The following MEIS1 variants were observed in gnomAD, a reference collection of about 807,000 sequenced individuals.
The protein encoded by MEIS1 is Meis homeobox 1.
In MEIS1, 5 loss-of-function variants were observed where a neutral mutation model predicts 50.8. The observed-to-expected ratio is 0.10, with a 90% CI of 0.05 to 0.21. The LOEUF is 0.21. MEIS1 is among the 10% of genes least tolerant of loss of function. The pLI, the probability that MEIS1 is intolerant of heterozygous loss-of-function variation, is 1.00. For synonymous variants in MEIS1, 176 were observed against 179.3 expected (o/e 0.98, Z 0.15); for missense variants, 318 against 517.3 (o/e 0.61, Z 3.74).
intron 8 of MEIS1, among the ~76,000 whole-genome samples, chr2:66,533,956 G>T (rs1251038809): frequency 6.6e-6 from 1 of 152,152 alleles, no homozygotes; most frequent in East Asian, 1.9e-4. Flanking sequence ...TGCAAATTGA[G>T]AACTGTATGC....
chr2:66,498,144 G>A (rs898176878), intron 7 of MEIS1, among the ~76,000 whole-genome samples: 1 of 152,128 alleles, frequency 6.6e-6, no homozygotes, highest in Non-Finnish European at 1.5e-5. Context: ...TTGAGTGGGG[G>A]ATTCAGATTA....
intron 7 of MEIS1, among the ~76,000 whole-genome samples, chr2:66,464,887 A>G (rs532792508): frequency 6.6e-4 from 100 of 152,356 alleles, no homozygotes; most frequent in Non-Finnish European, 1.2e-3. Flanking sequence ...ACATCAAGCT[A>G]GTCTTCAGCA....
intron 7 of MEIS1, among the ~76,000 whole-genome samples, chr2:66,477,525 G>A: frequency 6.6e-6 from 1 of 152,166 alleles, no homozygotes; most frequent in East Asian, 1.9e-4. Flanking sequence ...TCCTGAGGAT[G>A]GCTTGCAGAA....
At chr2:66,436,864 T>C (rs1001904703) in intron 1 of MEIS1, 1 of 942,314 alleles carries the variant, frequency 1.1e-6, no homozygotes, top group Non-Finnish European at 1.2e-6. Flanking sequence ...ACAATCAATA[T>C]GAAAGTAGTT....
intron 7 of MEIS1, among the ~76,000 whole-genome samples, chr2:66,479,813 A>G (rs755635484): frequency 1.2e-4 from 19 of 152,226 alleles, no homozygotes; most frequent in Admixed American, 2.6e-4. Flanking sequence ...GCCCCGGGCC[A>G]TGAAGGATTC....
chr2:66,465,621 C>T (rs190763462), intron 7 of MEIS1, among the ~76,000 whole-genome samples: 15 of 152,292 alleles, frequency 9.8e-5, no homozygotes, highest in Middle Eastern at 3.4e-3. Flanking sequence ...AAAATTGCTA[C>T]ATGGGGTCGC....
chr2:66,448,324 G>T (rs892571135), intron 6 of MEIS1, among the ~76,000 whole-genome samples: 3 of 151,938 alleles, frequency 2.0e-5, no homozygotes, highest in African/African-American at 7.3e-5. Context: ...GCTGTGGCTG[G>T]GTGACAAGAA....
At chr2:66,520,431 A>G (rs1674088034) in intron 8 of MEIS1, among the ~76,000 whole-genome samples, 1 of 151,946 alleles carries the variant, frequency 6.6e-6, no homozygotes, top group African/African-American at 2.4e-5. Context: ...CAGTGAGCCA[A>G]GATTGGGCTA....
chr2:66,468,824 G>T lies in MEIS1; in HGVS notation c.742+4604G>T, dbSNP rs867574529. ...AGAGGGGTAATGTTCTGTTGGGGAG[G>T]GAGAACCTAGTTTTGCATGCTAAGT... On this transcript the variant is annotated intron_variant, in intron 7 of 12. Coordinates refer to ENST00000272369, the MANE Select transcript of MEIS1 (RefSeq NM_002398.3). Among the ~76,000 whole-genome samples, 3 of 152,264 alleles carry T rather than the reference G, an allele frequency of 2.0e-5. No homozygotes were observed. The South Asian group carries it at 6.2e-4, about 32-fold the overall frequency.
chr2:66,442,861 C>T (rs777930737), intron 5 of MEIS1, 41 bp from the exon 6 acceptor site: 29 of 1,552,034 alleles, frequency 1.9e-5, no homozygotes, highest in Admixed American at 1.5e-4. Context: ...TTTATGCACT[C>T]CTGATTATAT....
At chr2:66,554,598 T>G (rs1050762837) in intron 9 of MEIS1, among the ~76,000 whole-genome samples, 1 of 152,206 alleles carries the variant, frequency 6.6e-6, no homozygotes, top group African/African-American at 2.4e-5. Context: ...TCCCTACTCC[T>G]TGGATTTGGG....
At chr2:66,567,859 T>C in intron 10 of MEIS1, 1 of 521,266 alleles carries the variant, frequency 1.9e-6, no homozygotes, top group Non-Finnish European at 3.4e-6. Flanking sequence ...CATGGCTTGG[T>C]GTGGAATTGC....
intron 8 of MEIS1, among the ~76,000 whole-genome samples, chr2:66,531,707 G>A (rs1674394777): frequency 6.6e-6 from 1 of 152,182 alleles, no homozygotes; most frequent in African/African-American, 2.4e-5. Context: ...ATGTCAACTT[G>A]ACAGGGCCTA....
chr2:66,469,071 A>G (rs988350802), intron 7 of MEIS1, among the ~76,000 whole-genome samples: 1 of 152,176 alleles, frequency 6.6e-6, no homozygotes, highest in African/African-American at 2.4e-5. Context: ...TTATTTCTAC[A>G]TGGAAATTTG....
intron 7 of MEIS1, among the ~76,000 whole-genome samples, chr2:66,509,359 A>C (rs1673767279): frequency 6.6e-6 from 1 of 152,200 alleles, no homozygotes; most frequent in South Asian, 2.1e-4. Context: ...CAGTATTTAC[A>C]CTGGATTGAA....
intron 4 of MEIS1, chr2:66,440,935 C>G: frequency 2.4e-6 from 1 of 419,798 alleles, no homozygotes; most frequent in Non-Finnish European, 4.2e-6. Flanking sequence ...TGCGGACTTC[C>G]TAGCCCTCTA....
At chr2:66,443,530 C>T (rs1672052067) in intron 6 of MEIS1, 1 of 166,920 alleles carries the variant, frequency 6.0e-6, no homozygotes, top group African/African-American at 2.4e-5. Flanking sequence ...TATTTTCTCC[C>T]TGTCTGTACG....
At chr2:66,439,388 C>T (rs1242865857) in intron 2 of MEIS1, 1 of 1,258,330 alleles carries the variant, frequency 7.9e-7, no homozygotes, top group African/African-American at 1.5e-5. Flanking sequence ...CCACCGAGAT[C>T]CCCCGAGCCT....
At chr2:66,530,557 A>G (rs932559917) in intron 8 of MEIS1, among the ~76,000 whole-genome samples, 5 of 152,178 alleles carry the variant, frequency 3.3e-5, no homozygotes, top group Admixed American at 6.5e-5. Context: ...TCCTAAAAAT[A>G]CAAAAAAAAT....
Sources: gnomAD v4.1 joint callset for allele counts (sites outside exome capture counted in the v4.1 genomes callset) on GRCh38, gnomAD v4.1.1 for gene constraint, MANE v1.5 for transcripts, NCBI Gene and HGNC (gene_info 2026-07-23, HGNC 2026-07-21) for gene names.